The following DNAH11 variants were observed in gnomAD, a reference collection of about 807,000 sequenced individuals.
DNAH11 encodes dynein axonemal heavy chain 11.
DNAH11 carries 442 observed loss-of-function variants against 526.0 expected under a neutral mutation model. The ratio of observed to expected loss-of-function variants is 0.84; its 90% CI spans 0.78 to 0.91. DNAH11 has a LOEUF of 0.91. Ranked by LOEUF, DNAH11 falls within the 40% of genes least tolerant of loss-of-function variation. DNAH11 has a pLI of 0.00. For synonymous variants in DNAH11, 2,461 were observed against 1,935.9 expected, an observed-to-expected ratio of 1.27 and a Z score of -7.12; for missense variants, 6,989 against 5,448.7, an observed-to-expected ratio of 1.28 and a Z score of -8.90.
chr7:21,744,766 C>T lies in DNAH11; in HGVS notation c.8317-104C>T, dbSNP rs186131007. ...GCTTGGGAACATTCCACCCACCTAC[C>T]CATGTGTGGGTCTGCAAGCTTTTCC... On this transcript the variant is annotated intron_variant, in intron 50 of 81. Coordinates refer to ENST00000409508, the MANE Select transcript of DNAH11 (RefSeq NM_001277115.2). 147 of 1,428,620 alleles carry T rather than the reference C, an allele frequency of 1.0e-4. 1 individual carries two copies. The African/African-American group carries it at 1.7e-3, about 17-fold the overall frequency. 88.5% of individuals were successfully genotyped at this position (1,428,620 alleles called of 1,614,324 possible). A position where few individuals can be genotyped will look rare whatever the true frequency, so the allele number is the denominator to read the frequency against.
rs1784010909 is a variant in DNAH11, at chr7:21,700,504, A to G, written c.6181-2206A>G. 2.6e-5 allele frequency among the ~76,000 whole-genome samples: 4 copies of G among 152,204 alleles called. No homozygotes were observed. The South Asian group carries it at 8.3e-4, about 32-fold the overall frequency. On this transcript the variant is annotated intron_variant, in intron 36 of 81. Transcript: ENST00000409508. ...ATCTGTGGTCCAAAATTTCTTCTGC[A>G]TCCACTCCTTTTATTGTTACTGCAA...
chr7:21,801,269 G>C lies in DNAH11; in HGVS notation c.10159G>C (p.Glu3387Gln). ...KLANRLVKEL[E>Q]AKKIRWGQSI... ...AGCTAACAGACTTGTCAAGGAACTT[G>C]AGGCAAGTTAAACCTTTTCTTCCAA... Residue 3387 changes from glutamate (E) to glutamine (Q), a missense_variant, in exon 62 of 82, where the codon GAG becomes CAG. Transcript: ENST00000409508. The C allele has an allele frequency of 6.2e-7, 1 of 1,613,888 alleles. No individual in the cohort carries two copies. Among genetic ancestry groups the C allele is most frequent in the Non-Finnish European group, 8.5e-7 (1 of 1,179,852 alleles).
intron 31 of DNAH11, among the ~76,000 whole-genome samples, chr7:21,682,712 C>T (rs74298643): frequency 0.13 from 19,556 of 151,948 alleles, 1,336 homozygotes; most frequent in Non-Finnish European, 0.16. Flanking sequence ...TTTCACAATT[C>T]GAATGCCTGT....
intron 66 of DNAH11, among the ~76,000 whole-genome samples, chr7:21,849,030 C>T (rs1782525955): frequency 6.6e-6 from 1 of 152,180 alleles, no homozygotes; most frequent in Non-Finnish European, 1.5e-5. Context: ...GGATTACAGG[C>T]ATGTACCGCC....
intron 71 of DNAH11, 114 bp from the exon 72 acceptor site, chr7:21,867,745 G>A: frequency 1.1e-6 from 1 of 901,084 alleles, no homozygotes; most frequent in Non-Finnish European, 1.7e-6. Flanking sequence ...GACATCCCAT[G>A]TAATAAACCT....
intron 5 of DNAH11, among the ~76,000 whole-genome samples, chr7:21,561,645 A>G (rs1300301233): frequency 1.3e-5 from 2 of 152,150 alleles, no homozygotes; most frequent in Non-Finnish European, 2.9e-5. Flanking sequence ...TGAATAGACA[A>G]TGCATGCATC....
chr7:21,867,394 T>C (rs1783321290), intron 71 of DNAH11, among the ~76,000 whole-genome samples: 2 of 152,268 alleles, frequency 1.3e-5, no homozygotes, highest in African/African-American at 4.8e-5. Context: ...GTACTTACTT[T>C]CTGCTAAATC....
At chr7:21,710,464 G>T in intron 40 of DNAH11, 89 bp from the exon 41 acceptor site, 1 of 1,235,022 alleles carries the variant, frequency 8.1e-7, no homozygotes. Flanking sequence ...CAGCAAAATC[G>T]TTTTTATTTA....
intron 23 of DNAH11, among the ~76,000 whole-genome samples, chr7:21,617,998 C>T (rs1409105202): frequency 1.3e-5 from 2 of 152,180 alleles, no homozygotes; most frequent in South Asian, 2.1e-4. Flanking sequence ...GACAGCAGAG[C>T]GGAGGCTGGC....
At chr7:21,677,602 C>G (rs1782948182) in intron 30 of DNAH11, among the ~76,000 whole-genome samples, 1 of 152,222 alleles carries the variant, frequency 6.6e-6, no homozygotes, top group Non-Finnish European at 1.5e-5. Flanking sequence ...CCAGGCTGGT[C>G]TTTAACTCCT....
intron 62 of DNAH11, among the ~76,000 whole-genome samples, chr7:21,802,450 C>A (rs917922156): frequency 6.6e-6 from 1 of 152,090 alleles, no homozygotes; most frequent in Non-Finnish European, 1.5e-5. Context: ...CCACATGATA[C>A]AATCATCTAC....
intron 25 of DNAH11, among the ~76,000 whole-genome samples, chr7:21,624,107 G>T (rs957919023): frequency 1.3e-5 from 2 of 152,132 alleles, no homozygotes; most frequent in South Asian, 2.1e-4. Context: ...TGATTAAGTT[G>T]CAACACATGA....
Position 21,543,577 on chromosome 7 carries a change from G to T in DNAH11, c.332G>T (p.Arg111Leu). ...GTGTTTAGCTTCGCCGCCTCGGGGC[G>T]CCTTGCGGCTTCCCAGGAGGTAAGA... is the stretch of plus-strand genomic sequence containing the variant. The part of the protein sequence containing the change: ...CLVFSFAASG[R>L]LAASQEIPRD... The change falls in exon 1 of 82, where the codon CGC becomes CTC. Residue 111 changes from arginine to leucine, a missense_variant. By Grantham distance (102) the Arg-to-Leu change is moderately radical. Coordinates refer to ENST00000409508, the MANE Select transcript of DNAH11 (RefSeq NM_001277115.2). The T allele has an allele frequency of 6.3e-7, 1 of 1,598,406 alleles. No individual in the cohort carries two copies. The highest frequency in any genetic ancestry group is 8.5e-7 in the Non-Finnish European group (1 of 1,172,252).
chr7:21,765,083 C>A lies in DNAH11; in HGVS notation c.8941-345C>A, dbSNP rs577471364. On this transcript the variant is annotated intron_variant, in intron 54 of 81. Coordinates refer to ENST00000409508, the MANE Select transcript of DNAH11 (RefSeq NM_001277115.2). ...GATGAAAACATTGGTATTATTGTAT[C>A]ATGGTGATTTCTTCTTAATTTTTAT... Among the ~76,000 whole-genome samples, 19 of 152,288 alleles carry A rather than the reference C, an allele frequency of 1.2e-4. No homozygotes were observed. In the East Asian group the frequency reaches 3.7e-3, roughly 29 times the overall value.
rs9691045 is a variant in DNAH11, at chr7:21,818,597, G to A, written c.10691+258G>A. ...ATGTATTGTTATAAATCTGAGAATC[G>A]TTGCCTCTTTTTAAATTTATACCAA... is the stretch of plus-strand genomic sequence containing the variant. On this transcript the variant is annotated intron_variant, in intron 65 of 81. Transcript: ENST00000409508. 0.16 allele frequency among the ~76,000 whole-genome samples: 23,649 copies of A among 152,092 alleles called. 1,941 individuals carry two copies. The highest frequency in any genetic ancestry group is 0.21 in the African/African-American group (8,657 of 41,480).
intron 31 of DNAH11, among the ~76,000 whole-genome samples, chr7:21,682,741 C>G (rs552662930): frequency 2.6e-5 from 4 of 152,064 alleles, no homozygotes; most frequent in Admixed American, 2.6e-4. Context: ...TGAAGTGTTT[C>G]TGTGTTTTTT....
At chr7:21,552,964 G>A (rs1783077172) in intron 2 of DNAH11, among the ~76,000 whole-genome samples, 1 of 151,910 alleles carries the variant, frequency 6.6e-6, no homozygotes, top group South Asian at 2.1e-4. Flanking sequence ...TTTTGACTGA[G>A]AGAATTGGAG....
At chr7:21,637,854 A>C (rs953227079) in intron 27 of DNAH11, among the ~76,000 whole-genome samples, 152 bp downstream of exon 27, 4 of 152,208 alleles carry the variant, frequency 2.6e-5, no homozygotes, top group African/African-American at 9.7e-5. Context: ...TGTCTCGTAC[A>C]TATGACATGG....
intron 45 of DNAH11, among the ~76,000 whole-genome samples, chr7:21,728,318 T>C (rs867910564): frequency 1.4e-5 from 2 of 140,954 alleles, no homozygotes; most frequent in Non-Finnish European, 3.0e-5. Flanking sequence ...AGTGCAGTGG[T>C]GCAATCTTGG....
Sources: gnomAD v4.1 joint callset for allele counts (sites outside exome capture counted in the v4.1 genomes callset) on GRCh38, gnomAD v4.1.1 for gene constraint, MANE v1.5 for transcripts, NCBI Gene and HGNC (gene_info 2026-07-23, HGNC 2026-07-21) for gene names.